The following ATP1A1 variants were observed in gnomAD, a reference collection of about 807,000 sequenced individuals.
ATP1A1 encodes the protein sodium/potassium-transporting ATPase subunit alpha-1.
A neutral mutation model predicts 114.8 loss-of-function variants in ATP1A1; 14 were observed. That is an observed-to-expected ratio of 0.12 (90% CI 0.08 to 0.19). The LOEUF is 0.19. Ranked by LOEUF, ATP1A1 falls within the 10% of genes least tolerant of loss-of-function variation. The pLI is 1.00. For synonymous variants in ATP1A1, 471 were observed against 466.3 expected (o/e 1.01, Z -0.13); for missense variants, 524 against 1,290.7 (o/e 0.41, Z 9.10).
chr1:116,374,197 G>C, intron 1 of ATP1A1: 1 of 1,550,846 alleles, frequency 6.4e-7, no homozygotes, highest in South Asian at 1.2e-5. Flanking sequence ...GGGCGGGCTG[G>C]TGCCAGAAAG....
In ATP1A1 at chr1:116,388,440, G is replaced by C. The variant is rs973848438; in HGVS notation, c.501+196G>C. ...AGCCTTTCTTTTGAATGTAAACTCT[G>C]AATACAGGCACACCATGTAACAGCA... On this transcript the variant is annotated intron_variant, in intron 5 of 22. Coordinates refer to ENST00000295598, the MANE Select transcript of ATP1A1 (RefSeq NM_000701.8). The surrounding 1 kb of genome is among the most constrained non-coding windows in gnomAD (Gnocchi z 5.6). 1.2e-5 allele frequency: 12 copies of C among 975,604 alleles called. No homozygotes were observed. Among genetic ancestry groups the C allele is most frequent in the African/African-American group, 1.7e-5 (1 of 59,942 alleles). 60.4% of individuals were successfully genotyped at this position (975,604 alleles called of 1,614,324 possible). A position where few individuals can be genotyped will look rare whatever the true frequency, so the allele number is the denominator to read the frequency against.
Position 116,373,715 on chromosome 1 carries a change from G to T in ATP1A1, c.12+192G>T, listed in dbSNP as rs1479474117. Among the ~76,000 whole-genome samples the T allele has an allele frequency of 2.6e-5, 4 of 151,262 alleles. No homozygotes were observed. In the East Asian group the frequency reaches 7.8e-4, roughly 30 times the overall value. On this transcript the variant is annotated intron_variant, in intron 1 of 22. Transcript: ENST00000295598. ...TGGAGGGAGCGCAGTAACGGGGGGC[G>T]GGGGAAGGGAGCGCCGAGGGGCTGG...
intron 1 of ATP1A1, among the ~76,000 whole-genome samples, chr1:116,376,581 G>A (rs544541758): frequency 7.9e-5 from 12 of 152,234 alleles, no homozygotes; most frequent in Middle Eastern, 3.4e-3. Context: ...CTGCTTCTTA[G>A]GTTCTTTCTG....
rs1653113889 is a variant in ATP1A1 at position 116,398,409 on chromosome 1, C to G, written c.2125-212C>G. Among the ~76,000 whole-genome samples the G allele has an allele frequency of 6.6e-6, 1 of 152,094 alleles. No homozygotes were observed. Among genetic ancestry groups the G allele is most frequent in the South Asian group, 2.1e-4 (1 of 4,822 alleles). Reference sequence around the variant, plus strand: ...TTACTTTGAGTAGCTCTTGTTAATGCTGGGGGCTATGTTTGTTGTCACTTC... The same window carrying G: ...TTACTTTGAGTAGCTCTTGTTAATGGTGGGGGCTATGTTTGTTGTCACTTC... On this transcript the variant is annotated intron_variant, in intron 15 of 22. Transcript: ENST00000295598. This position sits in a 1 kb window ranked among gnomAD's most constrained non-coding sequence, Gnocchi z 6.1.
At position 116,404,375 on chromosome 1, in the gene ATP1A1, C is replaced by A; in HGVS notation, c.3044-41C>A. The A allele has an allele frequency of 6.2e-7, 1 of 1,613,162 alleles. No individual in the cohort carries two copies. Among genetic ancestry groups the A allele is most frequent in the Non-Finnish European group, 8.5e-7 (1 of 1,179,316 alleles). ...CTCTGTAATGCTGGAGCGAGGAAGACTCACTGTAGTGTGTCTTGTCTGTCT... is the reference window on the plus strand; with the variant it reads ...CTCTGTAATGCTGGAGCGAGGAAGAATCACTGTAGTGTGTCTTGTCTGTCT... On this transcript the variant is annotated intron_variant, in intron 22 of 22. Transcript: ENST00000295598. The surrounding 1 kb of genome is among the most constrained non-coding windows in gnomAD (Gnocchi z 4.8).
In ATP1A1 at chr1:116,384,889, A is replaced by C. The variant is rs41267511; in HGVS notation, c.183+47A>C. 1,550 of 1,587,540 alleles carry C rather than the reference A, an allele frequency of 9.8e-4. 1 individual carries two copies. Among genetic ancestry groups the C allele is most frequent in the Non-Finnish European group, 1.2e-3 (1,409 of 1,156,092 alleles). ...GTTGTACAAAATCCTAGTTTTCCGT[A>C]TTATATTTTCCCCTGTATTACATAC... On this transcript the variant is annotated intron_variant, in intron 3 of 22. Coordinates refer to ENST00000295598, the MANE Select transcript of ATP1A1 (RefSeq NM_000701.8). This position sits in a 1 kb window ranked among gnomAD's most constrained non-coding sequence, Gnocchi z 5.1.
In ATP1A1 at chr1:116,396,637, G is replaced by C; in HGVS notation, c.1876G>C (p.Ala626Pro). 6.2e-7 allele frequency: 1 copy of C among 1,613,810 alleles called. No homozygotes were observed. The highest frequency in any genetic ancestry group is 2.2e-5 in the East Asian group (1 of 44,828). The change falls in exon 14 of 23, where the codon GCT (alanine) becomes CCT (proline). Residue 626 changes from alanine to proline, a missense_variant. Ala to Pro is a conservative substitution (Grantham distance 27, BLOSUM62 -1). Transcript: ENST00000295598. ...AGGAGACCATCCAATCACAGCTAAAGCTATTGCCAAAGGTGTGGGCATCAT... is the reference window on the plus strand; with the variant it reads ...AGGAGACCATCCAATCACAGCTAAACCTATTGCCAAAGGTGTGGGCATCAT... ...VTGDHPITAK[A>P]IAKGVGIISE...
At chr1:116,373,620 A>C (rs997560259) in intron 1 of ATP1A1, 97 bp downstream of exon 1, 2 of 1,223,836 alleles carry the variant, frequency 1.6e-6, no homozygotes, top group African/African-American at 1.6e-5. Context: ...GAGGCGGCGG[A>C]GGAGGAAGCG....
At chr1:116,386,594 T>C (rs1323811286) in intron 3 of ATP1A1, among the ~76,000 whole-genome samples, 1 of 152,204 alleles carries the variant, frequency 6.6e-6, no homozygotes, top group Non-Finnish European at 1.5e-5. Flanking sequence ...AGTGATCATA[T>C]TTTCCTCTCT....
chr1:116,398,662 T>C lies in ATP1A1; in HGVS notation c.2166T>C (p.Ser722=). 1 of 1,614,182 alleles carries C rather than the reference T, an allele frequency of 6.2e-7. No individual in the cohort carries two copies. The highest frequency in any genetic ancestry group is 1.7e-5 in the Admixed American group (1 of 60,018). Residue 722 remains serine, a synonymous_variant, in exon 16 of 23, where the codon TCT becomes TCC. Transcript: ENST00000295598. This position sits in a 1 kb window ranked among gnomAD's most constrained non-coding sequence, Gnocchi z 6.1. ...TGACTGGTGACGGTGTGAATGACTC[T>C]CCAGCTTTGAAGAAAGCAGACATTG... ...VAVTGDGVND[S]PALKKADIGV...
chr1:116,397,417 T>A lies in ATP1A1; in HGVS notation c.1974-471T>A, dbSNP rs572849254. ...TCACTGCAACCTCCACCTCCTGAGT[T>A]CAAGTGATTCTCCTGCCTCAGCCTC... On this transcript the variant is annotated intron_variant, in intron 14 of 22. Transcript: ENST00000295598. This position sits in a 1 kb window ranked among gnomAD's most constrained non-coding sequence, Gnocchi z 4.2. 6.6e-6 allele frequency among the ~76,000 whole-genome samples: 1 copy of A among 152,244 alleles called. No individual in the cohort carries two copies. The highest frequency in any genetic ancestry group is 2.4e-5 in the African/African-American group (1 of 41,554).
chr1:116,382,594 G>GTAAA (rs1213553124), intron 1 of ATP1A1: 1 of 152,226 alleles, frequency 6.6e-6, no homozygotes, highest in African/African-American at 2.4e-5. Context: ...AGTTAAAAAG[G>GTAAA]TAAATAATGT....
intron 1 of ATP1A1, among the ~76,000 whole-genome samples, chr1:116,379,675 C>T (rs563285886): frequency 5.9e-5 from 9 of 151,952 alleles, no homozygotes; most frequent in Non-Finnish European, 1.3e-4. Flanking sequence ...TCATAGAAAG[C>T]GAAAAATGGC....
rs762581205 is a variant in ATP1A1 at position 116,389,151 on chromosome 1, G to T, written c.754+132G>T. 1 of 985,110 alleles carries T rather than the reference G, an allele frequency of 1.0e-6. No homozygotes were observed. Among genetic ancestry groups the T allele is most frequent in the Non-Finnish European group, 1.5e-6 (1 of 649,360 alleles). 61.0% of individuals were successfully genotyped at this position (985,110 alleles called of 1,614,324 possible). The stretch of plus-strand genomic sequence containing the variant: ...AACTTGTGTCAAGCACAGAGCAGAG[G>T]TGTTTTCCTAGCTGGCAGGAAACCT... On this transcript the variant is annotated intron_variant, in intron 7 of 22. Transcript: ENST00000295598. The surrounding 1 kb of genome is among the most constrained non-coding windows in gnomAD (Gnocchi z 6.9).
chr1:116,384,979 A>AT lies in ATP1A1; in HGVS notation c.183+138dup. The stretch of plus-strand genomic sequence containing the variant: ...ACCATCTGCGTATCTACCATGTGAC[A>AT]TGCACAGAATTTGGGCATTTATATG... On this transcript the variant is annotated intron_variant, in intron 3 of 22. Coordinates refer to ENST00000295598, the MANE Select transcript of ATP1A1 (RefSeq NM_000701.8). The surrounding 1 kb of genome is among the most constrained non-coding windows in gnomAD (Gnocchi z 5.1). 1.2e-6 allele frequency: 1 copy of AT among 809,590 alleles called. No homozygotes were observed. Among genetic ancestry groups the AT allele is most frequent in the Non-Finnish European group, 2.0e-6 (1 of 495,640 alleles). The allele number at this position is 809,590 out of a possible 1,614,324, so 50.2% of individuals were successfully genotyped here.
In ATP1A1 at chr1:116,388,363, G is replaced by T. The variant is rs139249192; in HGVS notation, c.501+119G>T. ...TACATGACTCATCAGAGAGATGGAT[G>T]TCTTCTACCCCACCCAAAACCAACC... On this transcript the variant is annotated intron_variant, in intron 5 of 22. Transcript: ENST00000295598. This position sits in a 1 kb window ranked among gnomAD's most constrained non-coding sequence, Gnocchi z 5.6. 2.9e-5 allele frequency: 30 copies of T among 1,020,492 alleles called. No individual in the cohort carries two copies. Among genetic ancestry groups the T allele is most frequent in the Non-Finnish European group, 3.8e-5 (26 of 684,664 alleles). The allele number at this position is 1,020,492 out of a possible 1,614,324, so 63.2% of individuals were successfully genotyped here.
chr1:116,375,380 T>C (rs1235685614), intron 1 of ATP1A1, among the ~76,000 whole-genome samples: 2 of 152,264 alleles, frequency 1.3e-5, no homozygotes. Context: ...GTTGAATTAA[T>C]AGGCCATGGA....
In ATP1A1 at chr1:116,373,291, G is replaced by A; in HGVS notation, c.-221G>A. Reference sequence around the variant, plus strand: ...CGCAGAGCAGCGGCGGGAGGAGGCGGACACGTGGCAACAGCGGTAGCAGCC... The same window carrying A: ...CGCAGAGCAGCGGCGGGAGGAGGCGAACACGTGGCAACAGCGGTAGCAGCC... On this transcript the variant is annotated 5_prime_UTR_variant, in exon 1 of 23. Coordinates refer to ENST00000295598, the MANE Select transcript of ATP1A1 (RefSeq NM_000701.8). The A allele has an allele frequency of 2.4e-6, 1 of 410,688 alleles. No homozygotes were observed. The highest frequency in any genetic ancestry group is 4.6e-5 in the Admixed American group (1 of 21,766). 25.4% of individuals were successfully genotyped at this position (410,688 alleles called of 1,614,324 possible).
At chr1:116,380,324 G>A (rs1557779685) in intron 1 of ATP1A1, among the ~76,000 whole-genome samples, 1 of 152,180 alleles carries the variant, frequency 6.6e-6, no homozygotes. Flanking sequence ...TTTTCAGCAG[G>A]AATTTCAGAA....
Sources: allele counts gnomAD v4.1 joint callset (sites outside exome capture counted in the v4.1 genomes callset), GRCh38; gene constraint gnomAD v4.1.1; non-coding constraint Gnocchi (gnomAD v3.1); transcripts MANE v1.5; gene names NCBI Gene and HGNC (gene_info 2026-07-23, HGNC 2026-07-21).